BEST2: variants seen among roughly 807,000 people sequenced by gnomAD.
BEST2 encodes the protein bestrophin 2.
BEST2 carries 36 observed loss-of-function variants against 49.0 expected under a neutral mutation model. The observed-to-expected ratio is 0.73, with a 90% CI of 0.56 to 0.97. The LOEUF is 0.97. Among genes scored for constraint, BEST2 ranks in the 50% least tolerant of loss-of-function variants. BEST2 has a pLI of 0.00. For missense variants in BEST2, 672 were observed against 710.0 expected, an observed-to-expected ratio of 0.95 and a Z score of 0.61; for synonymous variants, 335 against 304.4, an observed-to-expected ratio of 1.10 and a Z score of -1.05.
At position 12,753,251 on chromosome 19, in the gene BEST2, A is replaced by G. The variant is rs748177899; in HGVS notation, c.153-9A>G. On this transcript the variant is annotated splice_polypyrimidine_tract_variant and intron_variant, in intron 2 of 9. Coordinates refer to ENST00000553030, the MANE Select transcript of BEST2 (RefSeq NM_017682.3). ...TTGTGACCTGTGACCCCTCATCTCT[A>G]TCCCGCAGCTTTGTGCTGACCGAAG... 1.9e-6 allele frequency: 3 copies of G among 1,614,054 alleles called. No homozygotes were observed. In the South Asian group the frequency reaches 3.3e-5, roughly 18 times the overall value.
At chr19:12,756,377 A>C in intron 9 of BEST2, 82 bp downstream of exon 9, 1 of 1,532,924 alleles carries the variant, frequency 6.5e-7, no homozygotes, top group Non-Finnish European at 8.9e-7. Context: ...GGTTAAGTGG[A>C]ATCAATTCTG....
In BEST2 at chr19:12,754,447, GT is replaced by G. The variant is rs1007542398; in HGVS notation, c.248-102del. On this transcript the variant is annotated intron_variant, in intron 3 of 9. Coordinates refer to ENST00000553030, the MANE Select transcript of BEST2 (RefSeq NM_017682.3). ...TGGTCAGGTTGGCCAGCACGCTCGG[GT>G]TTCCCTGATGCAGACCTTACGTTGC... 3.2e-5 allele frequency: 32 copies of G among 1,007,350 alleles called. No homozygotes were observed. The African/African-American group carries it at 4.5e-4, about 14-fold the overall frequency. The allele number at this position is 1,007,350 out of a possible 1,614,324, so 62.4% of individuals were successfully genotyped here.
Position 12,755,310 on chromosome 19 carries a change from G to C in BEST2, c.637-69G>C. The C allele has an allele frequency of 1.3e-6, 2 of 1,520,954 alleles. No homozygotes were observed. The highest frequency in any genetic ancestry group is 1.8e-6 in the Non-Finnish European group (2 of 1,096,166). 94.2% of individuals were successfully genotyped at this position (1,520,954 alleles called of 1,614,324 possible). ...AGGTGACCACCCACCTCCATCCCAC[G>C]TACCTACACTTAATATCCCTGTGTG... On this transcript the variant is annotated intron_variant, in intron 5 of 9. Transcript: ENST00000553030. This position sits in a 1 kb window ranked among gnomAD's most constrained non-coding sequence, Gnocchi z 4.4.
rs1432593370 is a variant in BEST2 at position 12,753,153 on chromosome 19, G to T, written c.153-107G>T. ...GGTGTGACCCATAGCACCCGGCTGG[G>T]GGCAGCTATTATAAAAGAAGCCAGG... On this transcript the variant is annotated intron_variant, in intron 2 of 9. Coordinates refer to ENST00000553030, the MANE Select transcript of BEST2 (RefSeq NM_017682.3). The T allele has an allele frequency of 1.7e-5, 20 of 1,158,084 alleles. No individual in the cohort carries two copies. The Admixed American group carries it at 3.1e-4, about 18-fold the overall frequency. The allele number at this position is 1,158,084 out of a possible 1,614,324, so 71.7% of individuals were successfully genotyped here.
intron 8 of BEST2, 81 bp from the exon 9 acceptor site, chr19:12,756,060 C>T (rs935521277): frequency 8.1e-6 from 13 of 1,600,708 alleles, no homozygotes; most frequent in African/African-American, 2.7e-5. Context: ...CTCTGTGGTC[C>T]CCACCCACCC....
At chr19:12,757,204 G>A (rs908314663) in intron 9 of BEST2, among the ~76,000 whole-genome samples, 2 of 152,108 alleles carry the variant, frequency 1.3e-5, no homozygotes, top group African/African-American at 4.8e-5. Flanking sequence ...CACGAGGTCA[G>A]GGGTTAGAGA....
chr19:12,757,811 A>T lies in BEST2; in HGVS notation c.1264A>T (p.Ser422Cys). ...CCTGTCCTTTCTACTCCGCAAGAAC[A>T]GCTGCGTGTCGGAGGCGTCTACTGG... is the stretch of plus-strand genomic sequence containing the variant. The part of the protein sequence containing the change: ...RRLSFLLRKN[S>C]CVSEASTGAS... The change falls in exon 10 of 10, where the codon AGC becomes TGC. Residue 422 changes from serine (S) to cysteine (C), a missense_variant. By Grantham distance (112) the Ser-to-Cys change is moderately radical. Around this residue, in one of 3 missense-constraint regions of BEST2, gnomAD observed 291 missense variants for 279.8 expected, o/e 1.04. Coordinates refer to ENST00000553030, the MANE Select transcript of BEST2 (RefSeq NM_017682.3). 6.5e-7 allele frequency: 1 copy of T among 1,548,984 alleles called. No homozygotes were observed.
At position 12,756,238 on chromosome 19, in the gene BEST2, C is replaced by T. The variant is rs367897325; in HGVS notation, c.1046C>T (p.Ala349Val). Reference protein sequence around the residue: ...DAAEARAPYTAATVFQLRQPS... With the variant: ...DAAEARAPYTVATVFQLRQPS... The stretch of plus-strand genomic sequence containing the variant: ...GCCGAGGCTCGCGCCCCATACACAG[C>T]GGCTACTGTCTTCCAGCTGCGGCAG... The change falls in exon 9 of 10, where the codon GCG becomes GTG. Residue 349 changes from alanine (A) to valine (V), a missense_variant. By Grantham distance (64) the Ala-to-Val change is moderately conservative. Coordinates refer to ENST00000553030, the MANE Select transcript of BEST2 (RefSeq NM_017682.3). 3.6e-5 allele frequency: 58 copies of T among 1,614,004 alleles called. No homozygotes were observed. Among genetic ancestry groups the T allele is most frequent in the South Asian group, 2.9e-4 (26 of 91,096 alleles).
chr19:12,752,591 C>T lies in BEST2; in HGVS notation c.-2C>T, dbSNP rs370168639. On this transcript the variant is annotated 5_prime_UTR_variant, in exon 2 of 10. It adds an upstream start codon to the 5' untranslated region. Transcript: ENST00000553030. ...CCTTGGCCACACCTGCCGGGTGCCA[C>T]GATGACCGTCACCTACACAGCCCGA... is the stretch of plus-strand genomic sequence containing the variant. 2.7e-5 allele frequency: 44 copies of T among 1,611,120 alleles called. No individual in the cohort carries two copies. The highest frequency in any genetic ancestry group is 2.2e-4 in the South Asian group (20 of 90,986).
Position 12,757,802 on chromosome 19 carries a change from C to A in BEST2, c.1255C>A (p.Arg419Ser). ...PLGRRLSFLLRKNSCVSEAST... is the reference protein window; with the variant it reads ...PLGRRLSFLLSKNSCVSEAST... ...GGGCCGGCGCCTGTCCTTTCTACTC[C>A]GCAAGAACAGCTGCGTGTCGGAGGC... Residue 419 changes from arginine to serine, a missense_variant, in exon 10 of 10, where the codon CGC becomes AGC. Transcript: ENST00000553030. The A allele has an allele frequency of 6.5e-7, 1 of 1,548,610 alleles. No homozygotes were observed. The highest frequency in any genetic ancestry group is 8.7e-7 in the Non-Finnish European group (1 of 1,146,602).
chr19:12,752,489 G>C (rs1967879451), intron 1 of BEST2, 53 bp from the exon 2 acceptor site: 3 of 1,270,482 alleles, frequency 2.4e-6, no homozygotes, highest in Non-Finnish European at 1.1e-6. Context: ...GCCGGAACAT[G>C]GGTGGAATCC....
In BEST2 at chr19:12,755,350, GCCT is replaced by G. The variant is rs1279518444; in HGVS notation, c.637-24_637-22del. The G allele has an allele frequency of 1.2e-6, 2 of 1,608,822 alleles. No homozygotes were observed. The highest frequency in any genetic ancestry group is 1.7e-4 in the Middle Eastern group (1 of 6,048). On this transcript the variant is annotated intron_variant, in intron 5 of 9. Transcript: ENST00000553030. This position sits in a 1 kb window ranked among gnomAD's most constrained non-coding sequence, Gnocchi z 4.4. ...ATCCCTGTGTGAGCTCACCATTCAG[GCCT>G]CCTCATGACCTGTATCCACCCCCAG...
At chr19:12,756,484 G>A in intron 9 of BEST2, 189 bp downstream of exon 9, 1 of 767,436 alleles carries the variant, frequency 1.3e-6, no homozygotes. Flanking sequence ...CTGGGCCACT[G>A]ACTGGGGACA....
At chr19:12,753,452 C>G in intron 3 of BEST2, 98 bp downstream of exon 3, 10 of 1,177,062 alleles carry the variant, frequency 8.5e-6, no homozygotes, top group Non-Finnish European at 1.2e-5. Context: ...CTCTGAGATC[C>G]CCCCCCTCAA....
chr19:12,754,945 C>T lies in BEST2; in HGVS notation c.550C>T (p.Pro184Ser). Residue 184 changes from proline to serine, a missense_variant, in exon 5 of 10, where the codon CCC becomes TCC. By Grantham distance (74) the Pro-to-Ser change is moderately conservative. This residue lies in a region of BEST2 where 365 missense variants were observed against 390.9 expected (regional missense o/e 0.93). Transcript: ENST00000553030. ...LNSSYNKYWV[P>S]CVWFSNLAAQ... ...CTCATCCTACAACAAGTACTGGGTG[C>T]CCTGCGTCTGGTTCTCCAACCTGGC... The T allele has an allele frequency of 1.2e-6, 2 of 1,613,942 alleles. No homozygotes were observed. The highest frequency in any genetic ancestry group is 1.7e-6 in the Non-Finnish European group (2 of 1,179,922).
At position 12,753,296 on chromosome 19, in the gene BEST2, G is replaced by A. The variant is rs768176061; in HGVS notation, c.189G>A (p.Glu63=). ...CCGAAGGGCAGAAGCGCTACTTCGA[G>A]AAGCTTGTGATTTATTGTGACCAGT... ...VLTEGQKRYF[E]KLVIYCDQYA... The change falls in exon 3 of 10, where the codon GAG becomes GAA. Residue 63 remains glutamate (E), a synonymous_variant. Coordinates refer to ENST00000553030, the MANE Select transcript of BEST2 (RefSeq NM_017682.3). The A allele has an allele frequency of 3.1e-5, 50 of 1,614,052 alleles. No homozygotes were observed. In the Middle Eastern group the frequency reaches 6.6e-4, roughly 21 times the overall value.
chr19:12,755,272 C>A lies in BEST2; in HGVS notation c.637-107C>A. 8.0e-7 allele frequency: 1 copy of A among 1,254,498 alleles called. No homozygotes were observed. Among genetic ancestry groups the A allele is most frequent in the Non-Finnish European group, 1.2e-6 (1 of 866,228 alleles). 77.7% of individuals were successfully genotyped at this position (1,254,498 alleles called of 1,614,324 possible). ...CTCCCTGGAACCCCCAAAGCACACT[C>A]CCAATTCCCACCAGGTGACCACCCA... On this transcript the variant is annotated intron_variant, in intron 5 of 9. Coordinates refer to ENST00000553030, the MANE Select transcript of BEST2 (RefSeq NM_017682.3). This position sits in a 1 kb window ranked among gnomAD's most constrained non-coding sequence, Gnocchi z 4.4.
rs1967924269 is a variant in BEST2, at chr19:12,755,101, C to T, written c.636+70C>T. ...TGTACCCCTGGAGCTGTGTCAACGGCGGCCCTCCAAGCACCCCCACGAGGC... is the reference window on the plus strand; with the variant it reads ...TGTACCCCTGGAGCTGTGTCAACGGTGGCCCTCCAAGCACCCCCACGAGGC... On this transcript the variant is annotated intron_variant, in intron 5 of 9. Coordinates refer to ENST00000553030, the MANE Select transcript of BEST2 (RefSeq NM_017682.3). The surrounding 1 kb of genome is among the most constrained non-coding windows in gnomAD (Gnocchi z 4.4). The T allele has an allele frequency of 2.0e-6, 3 of 1,512,224 alleles. No individual in the cohort carries two copies. Among genetic ancestry groups the T allele is most frequent in the Non-Finnish European group, 1.8e-6 (2 of 1,132,876 alleles). 93.7% of individuals were successfully genotyped at this position (1,512,224 alleles called of 1,614,324 possible).
chr19:12,754,915 C>A lies in BEST2; in HGVS notation c.520C>A (p.Leu174Met). The change falls in exon 5 of 10, where the codon CTG becomes ATG. Residue 174 changes from leucine (L) to methionine (M), a missense_variant. By Grantham distance (15) the Leu-to-Met change is conservative. This residue lies in a region of BEST2 where 365 missense variants were observed against 390.9 expected (regional missense o/e 0.93). Coordinates refer to ENST00000553030, the MANE Select transcript of BEST2 (RefSeq NM_017682.3). ...TREERKKFEN[L>M]NSSYNKYWVP... ...CGAGGAGCGCAAGAAGTTTGAAAAC[C>A]TGAACTCATCCTACAACAAGTACTG... 6.2e-7 allele frequency: 1 copy of A among 1,613,888 alleles called. No homozygotes were observed. The highest frequency in any genetic ancestry group is 8.5e-7 in the Non-Finnish European group (1 of 1,179,894).
Sources: allele counts gnomAD v4.1 joint callset (sites outside exome capture counted in the v4.1 genomes callset), GRCh38; gene constraint gnomAD v4.1.1; regional missense constraint gnomAD v4.1.1; non-coding constraint Gnocchi (gnomAD v3.1); transcripts MANE v1.5; gene names NCBI Gene and HGNC (gene_info 2026-07-23, HGNC 2026-07-21).